The following PARP4 variants were observed in gnomAD, a reference collection of about 807,000 sequenced individuals.
PARP4 encodes poly(ADP-ribose) polymerase family member 4, also known as protein mono-ADP-ribosyltransferase PARP4.
A neutral mutation model predicts 187.7 loss-of-function variants in PARP4; 120 were observed. The observed-to-expected ratio is 0.64, with a 90% confidence interval of 0.55 to 0.74. The LOEUF (loss-of-function observed/expected upper bound fraction) is 0.74, where lower values mean the gene tolerates loss of function less well. Among genes scored for constraint, PARP4 ranks in the 30% least tolerant of loss-of-function variants. PARP4 has a pLI of 0.00. For synonymous variants in PARP4, 654 were observed against 740.9 expected, an observed-to-expected ratio of 0.88 and a Z score of 1.90; for missense variants, 1,836 against 2,070.5, an observed-to-expected ratio of 0.89 and a Z score of 2.20.
In PARP4 at chr13:24,503,734, C is replaced by T; in HGVS notation, c.43G>A (p.Val15Met). 1.2e-6 allele frequency: 2 copies of T among 1,614,100 alleles called. No individual in the cohort carries two copies. Among genetic ancestry groups the T allele is most frequent in the East Asian group, 4.5e-5 (2 of 44,890 alleles). The change falls in exon 2 of 34, where the codon GTG (valine) becomes ATG (methionine). Residue 15 changes from valine to methionine, a missense_variant. Val to Met is a conservative substitution (Grantham distance 21). This residue lies in a region of PARP4 where 1,147 missense variants were observed against 1,214.2 expected (regional missense o/e 0.94). Coordinates refer to ENST00000381989, the MANE Select transcript of PARP4 (RefSeq NM_006437.4). ...IFANCIFCLKVKYLPQQQKKK... is the reference protein window; with the variant it reads ...IFANCIFCLKMKYLPQQQKKK... Reference sequence around the variant, plus strand: ...TTCTGCTGCTGAGGTAAGTACTTCACTTTCAAACAGAAGATACAATTTGCA... The same window carrying T: ...TTCTGCTGCTGAGGTAAGTACTTCATTTTCAAACAGAAGATACAATTTGCA...
At chr13:24,482,131 G>A (rs1368830558) in intron 12 of PARP4, among the ~76,000 whole-genome samples, 1 of 152,198 alleles carries the variant, frequency 6.6e-6, no homozygotes, top group African/African-American at 2.4e-5. Flanking sequence ...AGAAGCAGCA[G>A]GAGAACTAGA....
chr13:24,459,287 T>C lies in PARP4; in HGVS notation c.2322A>G (p.Ile774Met). Residue 774 changes from isoleucine to methionine, a missense_variant, in exon 19 of 34, where the codon ATA (isoleucine) becomes ATG (methionine). Around this residue, in one of 8 missense-constraint regions of PARP4, gnomAD observed 1,147 missense variants for 1,214.2 expected, o/e 0.94. Coordinates refer to ENST00000381989, the MANE Select transcript of PARP4 (RefSeq NM_006437.4). ...ACCTTTGCTTTGTTCCTATTTCTTT[T>C]ATACAAATCTTCTCTACTGTATCCT... Reference protein sequence around the residue: ...NLQDTVEKICIKEIGTKQSFS... With the variant: ...NLQDTVEKICMKEIGTKQSFS... 1 of 1,575,816 alleles carries C rather than the reference T, an allele frequency of 6.3e-7. No individual in the cohort carries two copies.
intron 33 of PARP4, among the ~76,000 whole-genome samples, chr13:24,425,073 G>A (rs1324092664): frequency 6.6e-6 from 1 of 152,092 alleles, no homozygotes; most frequent in African/African-American, 2.4e-5. Flanking sequence ...AGGCTGACGC[G>A]GGAGGATTGC....
chr13:24,453,678 G>A (rs199518014), intron 22 of PARP4, 24 bp from the exon 23 acceptor site: 4 of 1,416,562 alleles, frequency 2.8e-6, no homozygotes, highest in Non-Finnish European at 4.0e-6. Context: ...TCAGCATGAG[G>A]TGCTGCTTCC....
chr13:24,501,911 C>G, intron 2 of PARP4, 77 bp from the exon 3 acceptor site: 1 of 918,168 alleles, frequency 1.1e-6, no homozygotes, highest in South Asian at 1.5e-5. Context: ...CTGTAATTTT[C>G]ACCCTTAGAA....
chr13:24,495,576 G>T (rs1464325104), intron 6 of PARP4, among the ~76,000 whole-genome samples: 2 of 152,142 alleles, frequency 1.3e-5, no homozygotes, highest in African/African-American at 4.8e-5. Flanking sequence ...GGCAACTCCT[G>T]CCTCTGTAGT....
intron 17 of PARP4, among the ~76,000 whole-genome samples, chr13:24,467,172 T>C (rs1279630184): frequency 1.3e-5 from 2 of 152,216 alleles, no homozygotes; most frequent in Non-Finnish European, 1.5e-5. Context: ...AATCTGGCAA[T>C]GAGGAGGACA....
At position 24,459,991 on chromosome 13, in the gene PARP4, G is replaced by A; in HGVS notation, c.2279C>T (p.Ala760Val). 1 of 1,613,936 alleles carries A rather than the reference G, an allele frequency of 6.2e-7. No individual in the cohort carries two copies. Among genetic ancestry groups the A allele is most frequent in the Non-Finnish European group, 8.5e-7 (1 of 1,179,950 alleles). ...ATVAPWQQDKALNENLQDTVE... is the reference protein window; with the variant it reads ...ATVAPWQQDKVLNENLQDTVE... The stretch of plus-strand genomic sequence containing the variant: ...ACAAACCTGAAGGTTTTCATTCAAA[G>A]CCTTGTCCTGTTGCCAGGGTGCTAC... The change falls in exon 18 of 34, where the codon GCT becomes GTT. Residue 760 changes from alanine (A) to valine (V), a missense_variant. Transcript: ENST00000381989.
Position 24,493,747 on chromosome 13 carries a change from A to G in PARP4, c.742-14T>C, listed in dbSNP as rs763739893. 6.2e-7 allele frequency: 1 copy of G among 1,612,970 alleles called. No individual in the cohort carries two copies. Among genetic ancestry groups the G allele is most frequent in the Non-Finnish European group, 8.5e-7 (1 of 1,179,738 alleles). On this transcript the variant is annotated splice_polypyrimidine_tract_variant and intron_variant, in intron 7 of 33. Transcript: ENST00000381989. ...CTCCAAAAGCAACTACAATAATAAAATAGAAATGCCACCAAAAAGTCATCA... is the reference window on the plus strand; with the variant it reads ...CTCCAAAAGCAACTACAATAATAAAGTAGAAATGCCACCAAAAAGTCATCA...
At chr13:24,499,505 T>C (rs1283531944) in intron 4 of PARP4, 129 bp from the exon 5 acceptor site, 35 of 713,414 alleles carry the variant, frequency 4.9e-5, no homozygotes, top group Non-Finnish European at 7.6e-5. Context: ...ACATGGTAAG[T>C]CCACATGGTA....
chr13:24,503,876 C>T (rs1869454291), intron 1 of PARP4, 99 bp from the exon 2 acceptor site: 1 of 1,012,174 alleles, frequency 9.9e-7, no homozygotes, highest in Non-Finnish European at 1.5e-6. Context: ...TGGGCATTAT[C>T]TTAAGAAAGA....
chr13:24,498,725 C>T (rs1869099345), intron 5 of PARP4, among the ~76,000 whole-genome samples: 1 of 150,908 alleles, frequency 6.6e-6, no homozygotes, highest in African/African-American at 2.4e-5. Flanking sequence ...CCACATCAGA[C>T]ACTAGTGTTG....
At chr13:24,511,436 C>CA (rs1870014263) in intron 1 of PARP4, among the ~76,000 whole-genome samples, 1 of 152,180 alleles carries the variant, frequency 6.6e-6, no homozygotes, top group South Asian at 2.1e-4. Context: ...TCCAGCCTGT[C>CA]CCCCTTCCCA....
chr13:24,500,844 A>C (rs1455739380), intron 3 of PARP4, among the ~76,000 whole-genome samples: 1 of 152,230 alleles, frequency 6.6e-6, no homozygotes, highest in Non-Finnish European at 1.5e-5. Flanking sequence ...ATATACAGGA[A>C]TAACTCAATG....
rs1415441529 is a variant in PARP4, at chr13:24,497,961, T to C, written c.591+155A>G. On this transcript the variant is annotated intron_variant, in intron 6 of 33. Transcript: ENST00000381989. The stretch of plus-strand genomic sequence containing the variant: ...AGCTTTTTGCACTGTGAGAAATAAA[T>C]GTTGTTTAAGCTCCCTAGCCTGTTG... Among the ~76,000 whole-genome samples, 3 of 152,224 alleles carry C rather than the reference T, an allele frequency of 2.0e-5. No individual in the cohort carries two copies. In the East Asian group the frequency reaches 5.8e-4, roughly 29 times the overall value.
intron 32 of PARP4, 119 bp from the exon 33 acceptor site, chr13:24,426,717 A>G (rs7324645): frequency 0.36 from 284,880 of 790,960 alleles, 57,163 homozygotes; most frequent in African/African-American, 0.58. Context: ...ATGAAACTCC[A>G]TCTCTGCTAA....
intron 31 of PARP4, among the ~76,000 whole-genome samples, chr13:24,433,060 G>A (rs1974339): frequency 0.94 from 142,727 of 152,166 alleles, 67,077 homozygotes; most frequent in East Asian, 0.99. Flanking sequence ...TTGGGAAAAA[G>A]CTGAGTGTTG....
chr13:24,450,270 A>G (rs1378090656), intron 24 of PARP4, among the ~76,000 whole-genome samples: 1 of 151,948 alleles, frequency 6.6e-6, no homozygotes, highest in Admixed American at 6.6e-5. Flanking sequence ...ATAAAGAAGC[A>G]ACTCTCACTC....
intron 17 of PARP4, among the ~76,000 whole-genome samples, chr13:24,466,796 C>CAAAAAAAAAAAA (rs34197201): frequency 1.2e-4 from 11 of 90,822 alleles, no homozygotes; most frequent in African/African-American, 3.7e-4. Context: ...GACTCTGTCT[C>CAAAAAAAAAAAA]AAAAAAAAAA....
Sources: gnomAD v4.1 joint callset for allele counts (sites outside exome capture counted in the v4.1 genomes callset) on GRCh38, gnomAD v4.1.1 for gene constraint, gnomAD v4.1.1 regional missense constraint, MANE v1.5 for transcripts, NCBI Gene and HGNC (gene_info 2026-07-23, HGNC 2026-07-21) for gene names.